The following PLPPR1 variants were observed in gnomAD, a reference collection of about 807,000 sequenced individuals.
PLPPR1 encodes phospholipid phosphatase-related protein type 1.
In PLPPR1, 10 loss-of-function variants were observed where a neutral mutation model predicts 33.1. That is an observed-to-expected ratio of 0.30 (90% CI 0.19 to 0.51). The LOEUF (loss-of-function observed/expected upper bound fraction) is 0.51. Among genes scored for constraint, PLPPR1 ranks in the 20% least tolerant of loss-of-function variants. The probability of loss-of-function intolerance (pLI) is 0.97; values close to 1 mark genes in which losing one functional copy is unlikely to be tolerated. For missense variants in PLPPR1, 304 were observed against 408.1 expected, an observed-to-expected ratio of 0.74 and a Z score of 2.20; for synonymous variants, 151 against 151.0, an observed-to-expected ratio of 1.00 and a Z score of 0.00.
rs540944309 is a variant in PLPPR1 at position 101,216,769 on chromosome 9, A to T, written c.63+31212A>T. On this transcript the variant is annotated intron_variant, in intron 2 of 7. Coordinates refer to ENST00000374874, the MANE Select transcript of PLPPR1 (RefSeq NM_207299.2). Reference sequence around the variant, plus strand: ...TTGTGGATGCTGTCCTGTGCATTGTAACATGTTCAGTAGCATCAGTGGCCT... The same window carrying T: ...TTGTGGATGCTGTCCTGTGCATTGTTACATGTTCAGTAGCATCAGTGGCCT... Among the ~76,000 whole-genome samples, 29 of 152,300 alleles carry T rather than the reference A, an allele frequency of 1.9e-4. No homozygotes were observed. The South Asian group carries it at 5.6e-3, about 29-fold the overall frequency.
chr9:101,292,776 G>A (rs1002796370), intron 4 of PLPPR1, among the ~76,000 whole-genome samples: 1 of 151,576 alleles, frequency 6.6e-6, no homozygotes, highest in Non-Finnish European at 1.5e-5. Context: ...TCACCACCAG[G>A]CCTGCTCTAA....
At chr9:101,170,344 A>G (rs1251989245) in intron 1 of PLPPR1, among the ~76,000 whole-genome samples, 5 of 152,190 alleles carry the variant, frequency 3.3e-5, no homozygotes, top group African/African-American at 1.2e-4. Context: ...AGGCCTCACA[A>G]TCATGGCAGA....
intron 1 of PLPPR1, among the ~76,000 whole-genome samples, chr9:101,033,112 A>G (rs1829966139): frequency 1.3e-5 from 2 of 152,230 alleles, no homozygotes; most frequent in African/African-American, 4.8e-5. Context: ...TCCAGCCATC[A>G]ACACTGCAGA....
chr9:101,319,061 C>T (rs1829106588), intron 7 of PLPPR1, among the ~76,000 whole-genome samples: 1 of 149,642 alleles, frequency 6.7e-6, no homozygotes, highest in South Asian at 2.1e-4. Flanking sequence ...AGATAAATCA[C>T]TTCCCTTTGT....
chr9:101,056,155 AG>A (rs1199518361), intron 1 of PLPPR1, among the ~76,000 whole-genome samples: 1 of 152,212 alleles, frequency 6.6e-6, no homozygotes, highest in Non-Finnish European at 1.5e-5. Flanking sequence ...AGAGGCTGAC[AG>A]AAGAAACCCA....
At position 101,028,829 on chromosome 9, in the gene PLPPR1, G is replaced by C. The variant is rs1163275990; in HGVS notation, c.-319G>C. ...GGAGGCAGCGGAGGAAGCAGAGCGC[G>C]GGATGGGCGCCCAGCGGCATCTGTG... On this transcript the variant is annotated 5_prime_UTR_variant, in exon 1 of 8. Coordinates refer to ENST00000374874, the MANE Select transcript of PLPPR1 (RefSeq NM_207299.2). The C allele has an allele frequency of 6.6e-6, 1 of 152,476 alleles. No homozygotes were observed. The highest frequency in any genetic ancestry group is 1.5e-5 in the Non-Finnish European group (1 of 68,250). The allele number at this position is 152,476 out of a possible 1,614,324, so 9.4% of individuals were successfully genotyped here.
intron 1 of PLPPR1, among the ~76,000 whole-genome samples, chr9:101,090,570 C>T (rs956327782): frequency 2.6e-5 from 4 of 152,100 alleles, no homozygotes; most frequent in Non-Finnish European, 4.4e-5. Flanking sequence ...AGCCTCCTTC[C>T]ACCTGAGTTC....
chr9:101,040,380 A>G (rs1428437747), intron 1 of PLPPR1, among the ~76,000 whole-genome samples: 1 of 152,092 alleles, frequency 6.6e-6, no homozygotes, highest in Non-Finnish European at 1.5e-5. Flanking sequence ...TTTTCATACT[A>G]TGTCACAAGA....
At chr9:101,056,961 G>T (rs996083660) in intron 1 of PLPPR1, among the ~76,000 whole-genome samples, 11 of 152,090 alleles carry the variant, frequency 7.2e-5, no homozygotes, top group African/African-American at 2.7e-4. Context: ...AGTCAAGCCA[G>T]GCTACTCATT....
rs369386559 is a variant in PLPPR1, at chr9:101,299,205, A to AAGAGG, written c.386-10004_386-10000dup. The stretch of plus-strand genomic sequence containing the variant: ...TAGTTGAAGCTCAGGTACACAGGTT[A>AAGAGG]AGAGGAAAGAGCCAGGAAGAATCTT... On this transcript the variant is annotated intron_variant, in intron 4 of 7. Coordinates refer to ENST00000374874, the MANE Select transcript of PLPPR1 (RefSeq NM_207299.2). Among the ~76,000 whole-genome samples the AAGAGG allele has an allele frequency of 5.5e-3, 831 of 152,340 alleles. 8 individuals carry two copies. The highest frequency in any genetic ancestry group is 0.018 in the African/African-American group (767 of 41,580).
At chr9:101,300,092 G>A (rs1327832865) in intron 4 of PLPPR1, among the ~76,000 whole-genome samples, 1 of 152,128 alleles carries the variant, frequency 6.6e-6, no homozygotes, top group Non-Finnish European at 1.5e-5. Context: ...GGCACTAACT[G>A]ATGACTCAAC....
At chr9:101,296,478 T>C (rs1051485923) in intron 4 of PLPPR1, among the ~76,000 whole-genome samples, 1 of 151,880 alleles carries the variant, frequency 6.6e-6, no homozygotes, top group African/African-American at 2.4e-5. Context: ...TAAATCATGC[T>C]GCTATAAAGA....
rs5899427 is a variant in PLPPR1 at position 101,036,701 on chromosome 9, C to CAAA, written c.-46+7617_-46+7619dup. On this transcript the variant is annotated intron_variant, in intron 1 of 7. Transcript: ENST00000374874. The stretch of plus-strand genomic sequence containing the variant: ...AATGACAAAGCTTGGCTATTTCTGC[C>CAAA]AAAAAAAAAAAAAAAAAAAAGAAGA... Among the ~76,000 whole-genome samples the CAAA allele has an allele frequency of 5.2e-3, 534 of 103,582 alleles. 19 individuals are homozygous for CAAA. In the East Asian group the frequency reaches 0.12, roughly 22 times the overall value. The allele number at this position is 103,582 out of a possible 152,430, so 68.0% of individuals were successfully genotyped here.
At chr9:101,031,405 T>C (rs1829943167) in intron 1 of PLPPR1, among the ~76,000 whole-genome samples, 1 of 152,212 alleles carries the variant, frequency 6.6e-6, no homozygotes, top group Admixed American at 6.5e-5. Context: ...AAAGTGTTTA[T>C]GTTCTAGTTG....
chr9:101,133,683 G>A (rs1450008860), intron 1 of PLPPR1, among the ~76,000 whole-genome samples: 1 of 151,968 alleles, frequency 6.6e-6, no homozygotes, highest in Non-Finnish European at 1.5e-5. Context: ...AATGTTTTCA[G>A]CTTAAAGAAC....
At chr9:101,146,818 G>A (rs1049675225) in intron 1 of PLPPR1, among the ~76,000 whole-genome samples, 3 of 152,152 alleles carry the variant, frequency 2.0e-5, no homozygotes, top group Non-Finnish European at 4.4e-5. Context: ...CATGACATTA[G>A]AATGTGAAAA....
chr9:101,248,402 G>A (rs559688672), intron 2 of PLPPR1, among the ~76,000 whole-genome samples: 7 of 152,162 alleles, frequency 4.6e-5, no homozygotes, highest in South Asian at 2.1e-4. Flanking sequence ...TGCAAATACC[G>A]ACAAGGCATG....
intron 4 of PLPPR1, among the ~76,000 whole-genome samples, chr9:101,306,665 G>A (rs541702239): frequency 6.6e-6 from 1 of 152,344 alleles, no homozygotes; most frequent in South Asian, 2.1e-4. Flanking sequence ...AGATGGAGCA[G>A]AGCCTTAAGA....
At chr9:101,083,095 A>G (rs1488766827) in intron 1 of PLPPR1, among the ~76,000 whole-genome samples, 1 of 152,142 alleles carries the variant, frequency 6.6e-6, no homozygotes, top group East Asian at 1.9e-4. Flanking sequence ...CTGATTCTAC[A>G]GCACAGATCA....
Sources: allele counts gnomAD v4.1 joint callset (sites outside exome capture counted in the v4.1 genomes callset), GRCh38; gene constraint gnomAD v4.1.1; transcripts MANE v1.5; gene names NCBI Gene and HGNC (gene_info 2026-07-23, HGNC 2026-07-21).